The following ZNF541 variants were observed in gnomAD, a reference collection of about 807,000 sequenced individuals.
ZNF541 encodes the protein zinc finger protein 541.
A neutral mutation model predicts 123.5 loss-of-function variants in ZNF541; 23 were observed. That is an observed-to-expected ratio of 0.19 (90% CI 0.13 to 0.26). ZNF541 has a LOEUF of 0.26. Among genes scored for constraint, ZNF541 ranks in the 10% least tolerant of loss-of-function variants. ZNF541 has a pLI of 1.00. For synonymous variants in ZNF541, 751 were observed against 754.5 expected, an observed-to-expected ratio of 1.00 and a Z score of 0.08; for missense variants, 1,612 against 1,789.9, an observed-to-expected ratio of 0.90 and a Z score of 1.79.
chr19:47,553,886 A>C (rs1235987193), intron 3 of ZNF541, among the ~76,000 whole-genome samples: 1 of 152,196 alleles, frequency 6.6e-6, no homozygotes. Flanking sequence ...ACTGACTTTG[A>C]GGAAAATATT....
chr19:47,564,040 C>T (rs1971169306), intron 2 of ZNF541, among the ~76,000 whole-genome samples: 1 of 152,132 alleles, frequency 6.6e-6, no homozygotes, highest in South Asian at 2.1e-4. Context: ...ACTAATTTGT[C>T]CAAAGTCAAA....
Position 47,544,180 on chromosome 19 carries a change from G to T in ZNF541, c.2349C>A (p.Ala783=). Residue 783 remains alanine, a synonymous_variant, in exon 5 of 17, where the codon GCC becomes GCA. Transcript: ENST00000391901. Reference sequence around the variant, plus strand: ...ACTTGGAGGGATCTGCCGGGGGCCCGGCCGATGAGAAGGAGGCCATGGCTA... The same window carrying T: ...ACTTGGAGGGATCTGCCGGGGGCCCTGCCGATGAGAAGGAGGCCATGGCTA... ...SQVAMASFSS[A]GPPADPSKSK... is the part of the protein sequence containing the mutation. 1 of 1,551,318 alleles carries T rather than the reference G, an allele frequency of 6.4e-7. No homozygotes were observed. The highest frequency in any genetic ancestry group is 8.7e-7 in the Non-Finnish European group (1 of 1,146,862).
At chr19:47,550,259 G>GA (rs1970537798) in intron 3 of ZNF541, among the ~76,000 whole-genome samples, 1 of 141,996 alleles carries the variant, frequency 7.0e-6, no homozygotes, top group Non-Finnish European at 1.5e-5. Context: ...CAAAGAAAAA[G>GA]AAAAAGAAAG....
Position 47,545,169 on chromosome 19 carries a change from C to A in ZNF541, c.1360G>T (p.Gly454Ter). 1 of 1,498,478 alleles carries A rather than the reference C, an allele frequency of 6.7e-7. No individual in the cohort carries two copies. The allele number at this position is 1,498,478 out of a possible 1,614,324, so 92.8% of individuals were successfully genotyped here. A position where few individuals can be genotyped will look rare whatever the true frequency, so the allele number is the denominator to read the frequency against. Reference sequence around the variant, plus strand: ...GGCGGGGACTCCTCCGAGGGGCTTCCGCTGCTGGGTCCCGGGCCAGACTCG... The same window carrying A: ...GGCGGGGACTCCTCCGAGGGGCTTCAGCTGCTGGGTCCCGGGCCAGACTCG... ...GSESGPGPSSGSPSEESPPGP... is the reference protein window; with the variant it reads ...GSESGPGPSS The change falls in exon 5 of 17, where the codon GGA becomes TGA. Residue 454 changes from glycine to a stop codon, truncating the protein, a stop_gained. Coordinates refer to ENST00000391901, the MANE Select transcript of ZNF541 (RefSeq NM_001277075.3). LOFTEE classifies it high-confidence loss of function. The surrounding 1 kb of genome is among the most constrained non-coding windows in gnomAD (Gnocchi z 7.5).
intron 4 of ZNF541, among the ~76,000 whole-genome samples, chr19:47,548,750 C>T (rs1015590042): frequency 6.6e-6 from 1 of 152,142 alleles, no homozygotes; most frequent in African/African-American, 2.4e-5. Context: ...ACAGCAGCGC[C>T]CACTCTCTTC....
chr19:47,543,757 C>G (rs1568497707), intron 5 of ZNF541, among the ~76,000 whole-genome samples: 1 of 151,862 alleles, frequency 6.6e-6, no homozygotes, highest in African/African-American at 2.4e-5. Flanking sequence ...TCTCCCCCAC[C>G]TCAGCCTCTC....
chr19:47,530,985 C>T (rs1318660193), intron 12 of ZNF541, among the ~76,000 whole-genome samples: 1 of 152,136 alleles, frequency 6.6e-6, no homozygotes, highest in Non-Finnish European at 1.5e-5. Flanking sequence ...GAGCATTAAA[C>T]CAAGCGTGGA....
chr19:47,521,779 C>T lies in ZNF541; in HGVS notation c.3711+75G>A, dbSNP rs1969043416. The T allele has an allele frequency of 1.3e-6, 2 of 1,530,416 alleles. No homozygotes were observed. The highest frequency in any genetic ancestry group is 1.8e-6 in the Non-Finnish European group (2 of 1,134,766). The allele number at this position is 1,530,416 out of a possible 1,614,324, so 94.8% of individuals were successfully genotyped here. A position where few individuals can be genotyped will look rare whatever the true frequency, so the allele number is the denominator to read the frequency against. On this transcript the variant is annotated intron_variant, in intron 15 of 16. Coordinates refer to ENST00000391901, the MANE Select transcript of ZNF541 (RefSeq NM_001277075.3). This position sits in a 1 kb window ranked among gnomAD's most constrained non-coding sequence, Gnocchi z 4.2. ...CATCAGGAGCACCCCCGCCCTCTGA[C>T]CCCACCGTCCAACTCAACGGGTAGC... is the stretch of plus-strand genomic sequence containing the variant.
At position 47,521,649 on chromosome 19, in the gene ZNF541, T is replaced by C. The variant is rs760473411; in HGVS notation, c.3717A>G (p.Pro1239=). Residue 1239 remains proline (P), a synonymous_variant, in exon 16 of 17, where the codon CCA becomes CCG. Transcript: ENST00000391901. This position sits in a 1 kb window ranked among gnomAD's most constrained non-coding sequence, Gnocchi z 4.2. ...GGCTGGGTCTCTCCCGAGGGCTGCATGGGACCTGCAGAGGGAGCAAAAGTG... is the reference window on the plus strand; with the variant it reads ...GGCTGGGTCTCTCCCGAGGGCTGCACGGGACCTGCAGAGGGAGCAAAAGTG... ...EEVERTEEKV[P]CSPRERPSHH... is the part of the protein sequence containing the mutation. 2.6e-5 allele frequency: 41 copies of C among 1,551,500 alleles called. No individual in the cohort carries two copies. Among genetic ancestry groups the C allele is most frequent in the Non-Finnish European group, 3.4e-5 (39 of 1,146,948 alleles).
chr19:47,563,021 C>T (rs925558372), intron 2 of ZNF541, among the ~76,000 whole-genome samples: 2 of 152,196 alleles, frequency 1.3e-5, no homozygotes, highest in Non-Finnish European at 2.9e-5. Context: ...GACTAGATTT[C>T]TAGGCCACCA....
intron 2 of ZNF541, among the ~76,000 whole-genome samples, chr19:47,558,723 G>C (rs1211735604): frequency 1.3e-5 from 2 of 150,368 alleles, no homozygotes; most frequent in East Asian, 4.1e-4. Flanking sequence ...CGGATTACAG[G>C]TGCCCACCAC....
chr19:47,545,860 C>A lies in ZNF541; in HGVS notation c.669G>T (p.Leu223=). 1.9e-6 allele frequency: 3 copies of A among 1,549,774 alleles called. No individual in the cohort carries two copies. The highest frequency in any genetic ancestry group is 2.6e-6 in the Non-Finnish European group (3 of 1,146,488). Residue 223 remains leucine, a synonymous_variant, in exon 5 of 17, where the codon CTG becomes CTT. Coordinates refer to ENST00000391901, the MANE Select transcript of ZNF541 (RefSeq NM_001277075.3). This position sits in a 1 kb window ranked among gnomAD's most constrained non-coding sequence, Gnocchi z 7.5. ...LRRHYEVHHG[L]CILKEAPPEE... ...CCGGGGGGGCTTCCTTCAGGATGCA[C>A]AGGCCGTGATGGACCTCGTAGTGCC...
chr19:47,570,576 TAA>T (rs35955168), intron 2 of ZNF541, among the ~76,000 whole-genome samples: 1,642 of 58,888 alleles, frequency 0.028, 47 homozygotes, highest in Admixed American at 0.1. Context: ...GACTCTGTCC[TAA>T]AAAAAAAAAA....
intron 9 of ZNF541, 35 bp from the exon 10 acceptor site, chr19:47,533,007 A>G (rs1339559738): frequency 6.5e-7 from 1 of 1,536,796 alleles, no homozygotes; most frequent in Non-Finnish European, 8.8e-7. Context: ...TCAAGAAGAC[A>G]GACAGCAGGT....
intron 2 of ZNF541, among the ~76,000 whole-genome samples, chr19:47,564,371 T>C (rs913970152): frequency 6.6e-6 from 1 of 152,208 alleles, no homozygotes; most frequent in East Asian, 1.9e-4. Flanking sequence ...TCTCTACCGA[T>C]ACTGAGCTTC....
At position 47,549,254 on chromosome 19, in the gene ZNF541, TGGCGCTTAAA is replaced by T. The variant is rs1327697107; in HGVS notation, c.529_538del (p.Phe177ArgfsTer4). On this transcript the variant is annotated frameshift_variant, in exon 4 of 17. Coordinates refer to ENST00000391901, the MANE Select transcript of ZNF541 (RefSeq NM_001277075.3). LOFTEE classifies it high-confidence loss of function. ...CCAGACTCCCACATACAGGTGGTCC[TGGCGCTTAAA>T]GGCCTTGCTGCAGATTTTGCAGACG... is the stretch of plus-strand genomic sequence containing the variant. 1 of 1,552,126 alleles carries T rather than the reference TGGCGCTTAAA, an allele frequency of 6.4e-7. No individual in the cohort carries two copies. Among genetic ancestry groups the T allele is most frequent in the South Asian group, 1.2e-5 (1 of 84,062 alleles).
At chr19:47,536,697 G>C (rs962362365) in intron 9 of ZNF541, among the ~76,000 whole-genome samples, 1 of 152,194 alleles carries the variant, frequency 6.6e-6, no homozygotes, top group Non-Finnish European at 1.5e-5. Flanking sequence ...GGTTGAAGCT[G>C]CAGTGAGCTG....
intron 14 of ZNF541, among the ~76,000 whole-genome samples, chr19:47,523,629 A>C (rs748269611): frequency 1.5e-4 from 23 of 152,170 alleles, no homozygotes; most frequent in Non-Finnish European, 2.5e-4. Flanking sequence ...AAATATAAAC[A>C]ATGTTTGGCA....
rs1971492758 is a variant in ZNF541 at position 47,571,988 on chromosome 19, A to G, written c.-191T>C. ...TCAGGTGACAAGCAGACCACTGGATATGTCCTCCTGGAACACTGAGTGGTA... is the reference window on the plus strand; with the variant it reads ...TCAGGTGACAAGCAGACCACTGGATGTGTCCTCCTGGAACACTGAGTGGTA... On this transcript the variant is annotated 5_prime_UTR_variant, in exon 2 of 17. Transcript: ENST00000391901. 6.6e-6 allele frequency among the ~76,000 whole-genome samples: 1 copy of G among 152,182 alleles called. No individual in the cohort carries two copies. Among genetic ancestry groups the G allele is most frequent in the Non-Finnish European group, 1.5e-5 (1 of 68,038 alleles).
Sources: gnomAD v4.1 joint callset for allele counts (sites outside exome capture counted in the v4.1 genomes callset) on GRCh38, gnomAD v4.1.1 for gene constraint, Gnocchi (gnomAD v3.1) non-coding constraint, MANE v1.5 for transcripts, NCBI Gene and HGNC (gene_info 2026-07-23, HGNC 2026-07-21) for gene names.